SLC2A7: variants seen among roughly 807,000 people sequenced by gnomAD.
SLC2A7 encodes solute carrier family 2, facilitated glucose transporter member 7.
A neutral mutation model predicts 50.5 loss-of-function variants in SLC2A7; 50 were observed. The observed-to-expected ratio is 0.99, with a 90% CI of 0.79 to 1.25. The LOEUF is 1.25. SLC2A7 is among the 50% of genes most tolerant of loss of function. The pLI is 0.00. For missense variants in SLC2A7, 683 were observed against 679.1 expected, an observed-to-expected ratio of 1.01 and a Z score of -0.06; for synonymous variants, 308 against 300.4, an observed-to-expected ratio of 1.03 and a Z score of -0.26.
At chr1:9,006,490 A>G (rs1402240836) in intron 10 of SLC2A7, among the ~76,000 whole-genome samples, 1 of 138,186 alleles carries the variant, frequency 7.2e-6, no homozygotes, top group Non-Finnish European at 1.6e-5. Flanking sequence ...TTAAGTGAAC[A>G]GCCTGCCTCC....
intron 10 of SLC2A7, among the ~76,000 whole-genome samples, 166 bp downstream of exon 10, chr1:9,007,144 G>C (rs1640663988): frequency 6.6e-6 from 1 of 152,244 alleles, no homozygotes; most frequent in South Asian, 2.1e-4. Context: ...AATGCACATG[G>C]CCTGGAGTGC....
intron 8 of SLC2A7, among the ~76,000 whole-genome samples, chr1:9,012,759 T>C (rs1432961012): frequency 6.6e-6 from 1 of 152,172 alleles, no homozygotes; most frequent in East Asian, 1.9e-4. Flanking sequence ...AGCTCAGACT[T>C]TAAATACTAA....
At chr1:9,006,468 G>A (rs903314231) in intron 10 of SLC2A7, among the ~76,000 whole-genome samples, 1 of 148,970 alleles carries the variant, frequency 6.7e-6, no homozygotes, top group African/African-American at 2.5e-5. Flanking sequence ...GGCTGGTCTC[G>A]AACTTCTGAC....
At chr1:9,004,411 A>G (rs529574504) in intron 11 of SLC2A7, among the ~76,000 whole-genome samples, 24 of 151,674 alleles carry the variant, frequency 1.6e-4, no homozygotes, top group African/African-American at 5.8e-4. Flanking sequence ...CTGAGAGCGC[A>G]GAGTTTGTGG....
At chr1:9,009,699 C>T (rs909351310) in intron 9 of SLC2A7, among the ~76,000 whole-genome samples, 1 of 152,188 alleles carries the variant, frequency 6.6e-6, no homozygotes, top group Non-Finnish European at 1.5e-5. Flanking sequence ...CTCAATGGGT[C>T]CTCCTGCCTT....
chr1:9,003,546 G>T (rs370712019), intron 11 of SLC2A7, 28 bp from the exon 12 acceptor site: 9 of 1,599,420 alleles, frequency 5.6e-6, no homozygotes, highest in Non-Finnish European at 6.9e-6. Flanking sequence ...AAAGACAGGA[G>T]GGGGCAGAGA....
In SLC2A7 at chr1:9,008,770, T is replaced by C. The variant is rs1226448798; in HGVS notation, c.1116+1373A>G. ...CGCCACCACACCCGACTAAATTTTG[T>C]ATTTTTAATAGAGACGGGGTTTCAC... On this transcript the variant is annotated intron_variant, in intron 9 of 11. Coordinates refer to ENST00000400906, the MANE Select transcript of SLC2A7 (RefSeq NM_207420.3). The surrounding 1 kb of genome is among the most constrained non-coding windows in gnomAD (Gnocchi z 5.9). Among the ~76,000 whole-genome samples the C allele has an allele frequency of 6.6e-6, 1 of 152,102 alleles. No individual in the cohort carries two copies. Among genetic ancestry groups the C allele is most frequent in the Non-Finnish European group, 1.5e-5 (1 of 68,028 alleles).
chr1:9,007,577 G>A (rs1377457510), intron 9 of SLC2A7, among the ~76,000 whole-genome samples, 192 bp from the exon 10 acceptor site: 1 of 152,176 alleles, frequency 6.6e-6, no homozygotes, highest in African/African-American at 2.4e-5. Flanking sequence ...CTCCCACAGG[G>A]CTCCCTCCAG....
At chr1:9,013,669 G>C in intron 7 of SLC2A7, 34 bp from the exon 8 acceptor site, 10 of 1,570,136 alleles carry the variant, frequency 6.4e-6, no homozygotes, top group Non-Finnish European at 8.7e-6. Flanking sequence ...AGGACAGGCC[G>C]GAAGACCCAG....
At chr1:9,017,000 G>T (rs1251625427) in intron 5 of SLC2A7, among the ~76,000 whole-genome samples, 1 of 152,100 alleles carries the variant, frequency 6.6e-6, no homozygotes, top group Admixed American at 6.6e-5. Flanking sequence ...TCCCTAGTCA[G>T]GATTCCTGGG....
At chr1:9,014,510 G>A (rs1411917500) in intron 7 of SLC2A7, among the ~76,000 whole-genome samples, 171 bp downstream of exon 7, 1 of 152,218 alleles carries the variant, frequency 6.6e-6, no homozygotes, top group Non-Finnish European at 1.5e-5. Flanking sequence ...GTGGGGAGAG[G>A]CAGAGCACGG....
chr1:9,025,490 TG>T (rs1640983136), intron 1 of SLC2A7, among the ~76,000 whole-genome samples: 1 of 151,100 alleles, frequency 6.6e-6, no homozygotes, highest in African/African-American at 2.4e-5. Context: ...GGGTGATGGG[TG>T]GGGTAGCAGC....
At chr1:8,995,095 C>G in the SLC2A7 span, among the ~76,000 whole-genome samples, 2 of 150,870 alleles carry the variant, frequency 1.3e-5, no homozygotes, top group Non-Finnish European at 2.9e-5. Context: ...TTTTCAAGGT[C>G]ACACGTCTCC....
chr1:9,007,710 C>T (rs1640676337), intron 9 of SLC2A7, among the ~76,000 whole-genome samples: 1 of 151,932 alleles, frequency 6.6e-6, no homozygotes, highest in African/African-American at 2.4e-5. Flanking sequence ...TGTGATACTC[C>T]TCTGCCCTCT....
At chr1:9,014,589 G>A (rs1171904644) in intron 7 of SLC2A7, 92 bp downstream of exon 7, 14 of 1,472,018 alleles carry the variant, frequency 9.5e-6, no homozygotes, top group Middle Eastern at 1.7e-4. Context: ...CCCACTGCCA[G>A]GCCAGGCCTC....
At chr1:8,993,346 A>G in the SLC2A7 span, among the ~76,000 whole-genome samples, 4 of 152,242 alleles carry the variant, frequency 2.6e-5, no homozygotes, top group Non-Finnish European at 4.4e-5. Flanking sequence ...CAGCCTAAAC[A>G]TATCAGGGGA....
chr1:8,997,463 C>T, the SLC2A7 span, among the ~76,000 whole-genome samples: 2 of 152,114 alleles, frequency 1.3e-5, no homozygotes, highest in Admixed American at 6.6e-5. Context: ...TGCAATGGCA[C>T]AATCTCGGTT....
Position 9,025,001 on chromosome 1 carries a change from A to G in SLC2A7, c.125T>C (p.Leu42Pro). 4.3e-6 allele frequency: 7 copies of G among 1,610,820 alleles called. No homozygotes were observed. Among genetic ancestry groups the G allele is most frequent in the Non-Finnish European group, 5.9e-6 (7 of 1,179,418 alleles). Residue 42 changes from leucine (L) to proline (P), a missense_variant, in exon 2 of 12, where the codon CTC becomes CCC. Coordinates refer to ENST00000400906, the MANE Select transcript of SLC2A7 (RefSeq NM_207420.3). ...CTTGTGCGGCGTGTTGACCACAGAG[A>G]GGTTGTAGCCGTACTGGAAGGCTGA... is the stretch of plus-strand genomic sequence containing the variant. ...FGSAFQYGYN[L>P]SVVNTPHKVF...
At chr1:9,009,092 T>C (rs1386918106) in intron 9 of SLC2A7, among the ~76,000 whole-genome samples, 1 of 152,166 alleles carries the variant, frequency 6.6e-6, no homozygotes, top group Non-Finnish European at 1.5e-5. Context: ...TAAGGACAAG[T>C]CATTGCAGAG....
Sources: gnomAD v4.1 joint callset for allele counts (sites outside exome capture counted in the v4.1 genomes callset) on GRCh38, gnomAD v4.1.1 for gene constraint, Gnocchi (gnomAD v3.1) non-coding constraint, MANE v1.5 for transcripts, NCBI Gene and HGNC (gene_info 2026-07-23, HGNC 2026-07-21) for gene names.